Variants in ITPRID1 observed in about 807,000 individuals in gnomAD.
ITPRID1 encodes protein ITPRID1.
A neutral mutation model predicts 95.4 loss-of-function variants in ITPRID1; 96 were observed. That is an observed-to-expected ratio of 1.01 (90% CI 0.85 to 1.19). ITPRID1 has a LOEUF of 1.19. Among genes scored for constraint, ITPRID1 ranks in the 50% most tolerant of loss-of-function variants. ITPRID1 has a pLI of 0.00. For synonymous variants in ITPRID1, 510 were observed against 453.6 expected (o/e 1.12, Z -1.58); for missense variants, 1,339 against 1,252.9 (o/e 1.07, Z -1.04).
chr7:31,554,457 G>A lies in ITPRID1; in HGVS notation c.164-18G>A. The A allele has an allele frequency of 6.2e-7, 1 of 1,610,664 alleles. No individual in the cohort carries two copies. Among genetic ancestry groups the A allele is most frequent in the Non-Finnish European group, 8.5e-7 (1 of 1,178,238 alleles). On this transcript the variant is annotated intron_variant, in intron 3 of 14. Transcript: ENST00000615280. ...TGGTTGTGCTTTGACTAACTGATCT[G>A]TTCTTTCTTACTTGTAGAAGATTCC...
At chr7:31,567,118 T>C (rs1265345371) in intron 5 of ITPRID1, among the ~76,000 whole-genome samples, 1 of 152,228 alleles carries the variant, frequency 6.6e-6, no homozygotes, top group Non-Finnish European at 1.5e-5. Flanking sequence ...TCTGACCTGG[T>C]GCATAAGTTT....
intron 10 of ITPRID1, among the ~76,000 whole-genome samples, chr7:31,627,366 T>A (rs923542097): frequency 6.6e-6 from 1 of 152,110 alleles, no homozygotes; most frequent in Non-Finnish European, 1.5e-5. Context: ...ATCATCAAAA[T>A]GTAAGTGAAG....
chr7:31,529,627 G>T, intron 1 of ITPRID1: 1 of 650,216 alleles, frequency 1.5e-6, no homozygotes, highest in Non-Finnish European at 2.6e-6. Context: ...AGACTGTCTT[G>T]GCTTTCTATG....
intron 10 of ITPRID1, among the ~76,000 whole-genome samples, chr7:31,594,221 G>T (rs1208292154): frequency 6.6e-6 from 1 of 152,194 alleles, no homozygotes; most frequent in Non-Finnish European, 1.5e-5. Context: ...ACCTAGGTGT[G>T]CAGTGGACCA....
At position 31,643,867 on chromosome 7, in the gene ITPRID1, C is replaced by T. The variant is rs1338563099; in HGVS notation, c.2497C>T (p.Leu833=). The change falls in exon 12 of 15, where the codon CTG becomes TTG. Residue 833 remains leucine, a synonymous_variant. Coordinates refer to ENST00000615280, the MANE Select transcript of ITPRID1 (RefSeq NM_001257967.3). ...TGAACCCTCAGTCTGTAGGCACTGC[C>T]TGTGTTCACTAACTGGTCACCAGGA... The part of the protein sequence containing the change: ...GPEPSVCRHC[L]CSLTGHQEAQ... 3 of 1,613,938 alleles carry T rather than the reference C, an allele frequency of 1.9e-6. No homozygotes were observed. Among genetic ancestry groups the T allele is most frequent in the African/African-American group, 1.3e-5 (1 of 75,068 alleles).
chr7:31,515,717 G>T (rs768367623), intron 1 of ITPRID1, among the ~76,000 whole-genome samples: 1 of 152,146 alleles, frequency 6.6e-6, no homozygotes. Flanking sequence ...TGAAAACGTA[G>T]GGATATGAAT....
intron 10 of ITPRID1, among the ~76,000 whole-genome samples, chr7:31,586,011 C>T (rs2128151171): frequency 7.0e-6 from 1 of 143,484 alleles, no homozygotes; most frequent in East Asian, 2.1e-4. Context: ...CACAACAGTC[C>T]CCAGAGTGTG....
rs1034178711 is a variant in ITPRID1 at position 31,581,274 on chromosome 7, A to T, written c.1171-1860A>T. 2.0e-5 allele frequency among the ~76,000 whole-genome samples: 3 copies of T among 152,310 alleles called. No individual in the cohort carries two copies. In the East Asian group the frequency reaches 5.8e-4, roughly 29 times the overall value. ...GTCGTACTAAAAGCTGCATTTGGCA[A>T]TGTTTGTCTCACTTCTCAAAAGTAT... On this transcript the variant is annotated intron_variant, in intron 9 of 14. Transcript: ENST00000615280.
At chr7:31,591,770 C>T (rs1785875275) in intron 10 of ITPRID1, among the ~76,000 whole-genome samples, 1 of 152,082 alleles carries the variant, frequency 6.6e-6, no homozygotes, top group South Asian at 2.1e-4. Flanking sequence ...AATTTTCTTT[C>T]CATGACACAG....
intron 1 of ITPRID1, among the ~76,000 whole-genome samples, chr7:31,516,832 G>A (rs912679246): frequency 3.9e-5 from 6 of 152,038 alleles, no homozygotes; most frequent in South Asian, 2.1e-4. Context: ...GTGGGTTCTC[G>A]GTCTCGCTGA....
At chr7:31,628,434 C>G (rs1303925146) in intron 10 of ITPRID1, among the ~76,000 whole-genome samples, 1 of 151,848 alleles carries the variant, frequency 6.6e-6, no homozygotes, top group Non-Finnish European at 1.5e-5. Context: ...GGAAGAGAAA[C>G]ACAAGCGTGA....
chr7:31,586,602 AT>A (rs1357053787), intron 10 of ITPRID1, among the ~76,000 whole-genome samples: 8 of 151,740 alleles, frequency 5.3e-5, no homozygotes, highest in African/African-American at 1.7e-4. Flanking sequence ...GATGATGAGC[AT>A]TTTTTCATGT....
chr7:31,641,916 T>G (rs936856795), intron 10 of ITPRID1, among the ~76,000 whole-genome samples: 6 of 152,238 alleles, frequency 3.9e-5, no homozygotes, highest in Admixed American at 3.9e-4. Flanking sequence ...ATATTGTTAT[T>G]TGGTTTTGAG....
chr7:31,610,368 G>A (rs1786813228), intron 10 of ITPRID1, among the ~76,000 whole-genome samples: 1 of 151,718 alleles, frequency 6.6e-6, no homozygotes, highest in African/African-American at 2.4e-5. Flanking sequence ...CAGTAATGCA[G>A]GAGTAAAGGC....
intron 5 of ITPRID1, among the ~76,000 whole-genome samples, chr7:31,559,737 A>G (rs1047516955): frequency 6.6e-6 from 1 of 152,156 alleles, no homozygotes; most frequent in Non-Finnish European, 1.5e-5. Flanking sequence ...CATTACTAGT[A>G]TTTTATGTCA....
At chr7:31,550,781 C>T (rs987080156) in intron 2 of ITPRID1, among the ~76,000 whole-genome samples, 2 of 121,740 alleles carry the variant, frequency 1.6e-5, no homozygotes, top group Non-Finnish European at 3.9e-5. Context: ...GACAGAATAT[C>T]CTCACTGGTT....
intron 10 of ITPRID1, among the ~76,000 whole-genome samples, chr7:31,613,221 G>C (rs1284921375): frequency 2.6e-5 from 4 of 152,136 alleles, no homozygotes; most frequent in Non-Finnish European, 5.9e-5. Context: ...TGGGGAGAGG[G>C]TAATGGAAAT....
chr7:31,616,582 TC>T (rs1463439376), intron 10 of ITPRID1, among the ~76,000 whole-genome samples: 1 of 152,114 alleles, frequency 6.6e-6, no homozygotes, highest in Non-Finnish European at 1.5e-5. Context: ...ATTTTTTTCA[TC>T]ATCTCATTGA....
chr7:31,648,149 A>G (rs1287254216), intron 12 of ITPRID1, among the ~76,000 whole-genome samples: 1 of 152,198 alleles, frequency 6.6e-6, no homozygotes, highest in African/African-American at 2.4e-5. Flanking sequence ...TTAGTTTTAG[A>G]GAAAAGTAAA....
Sources: allele counts gnomAD v4.1 joint callset (sites outside exome capture counted in the v4.1 genomes callset), GRCh38; gene constraint gnomAD v4.1.1; transcripts MANE v1.5; gene names NCBI Gene and HGNC (gene_info 2026-07-23, HGNC 2026-07-21).